Variants in SMARCC2 observed in about 807,000 individuals in gnomAD.
SMARCC2 encodes SWI/SNF related BAF chromatin remodeling complex subunit C2, also known as SWI/SNF complex subunit SMARCC2.
Under a neutral mutation model 151.3 loss-of-function variants are expected in SMARCC2, and 15 were observed. The ratio of observed to expected loss-of-function variants is 0.10; its 90% CI spans 0.07 to 0.15. The LOEUF is 0.15. Ranked by LOEUF, SMARCC2 falls within the 10% of genes least tolerant of loss-of-function variation. SMARCC2 has a pLI of 1.00. For synonymous variants in SMARCC2, 590 were observed against 609.5 expected (o/e 0.97, Z 0.47); for missense variants, 1,031 against 1,599.7 (o/e 0.64, Z 6.06).
Position 56,171,241 on chromosome 12 carries a change from C to A in SMARCC2, c.2347+30G>T. On this transcript the variant is annotated intron_variant, in intron 22 of 28. Coordinates refer to ENST00000550164, the MANE Select transcript of SMARCC2 (RefSeq NM_001330288.2). The surrounding 1 kb of genome is among the most constrained non-coding windows in gnomAD (Gnocchi z 4.2). ...AGGTAGCTCTGGATCTTGTGAAAGG[C>A]AAGAAATCTGGGAACCTGCCTGGCC... The A allele has an allele frequency of 6.2e-7, 1 of 1,610,906 alleles. No homozygotes were observed. The highest frequency in any genetic ancestry group is 8.5e-7 in the Non-Finnish European group (1 of 1,177,430).
At chr12:56,187,052 A>G in intron 2 of SMARCC2, 135 bp downstream of exon 2, 1 of 788,690 alleles carries the variant, frequency 1.3e-6, no homozygotes, top group East Asian at 2.8e-5. Flanking sequence ...TGCCCTGATC[A>G]GGGATAGGGA....
At chr12:56,177,637 C>T (rs1875288792) in intron 15 of SMARCC2, among the ~76,000 whole-genome samples, 2 of 151,584 alleles carry the variant, frequency 1.3e-5, no homozygotes, top group Admixed American at 1.3e-4. Flanking sequence ...TCTATTAAAA[C>T]CTACTCTCAG....
In SMARCC2 at chr12:56,181,026, G is replaced by C. The variant is rs371558830; in HGVS notation, c.1032C>G (p.Asp344Glu). Residue 344 changes from aspartate (D) to glutamate (E), a missense_variant, in exon 11 of 29, where the codon GAC (aspartate) becomes GAG (glutamate). Asp to Glu is a conservative substitution (Grantham distance 45). Transcript: ENST00000550164. ...CTACATTGGGGACTGGTGAGGGCTC[G>C]TCCATGTCCTTTGTCAGGTCTTCTT... ...EEQEDLTKDMDEPSPVPNVEE... is the reference protein window; with the variant it reads ...EEQEDLTKDMEEPSPVPNVEE... 2.5e-6 allele frequency: 4 copies of C among 1,613,860 alleles called. No homozygotes were observed. Among genetic ancestry groups the C allele is most frequent in the Non-Finnish European group, 3.4e-6 (4 of 1,179,944 alleles).
rs1873856209 is a variant in SMARCC2, at chr12:56,171,058, CT to C, written c.2347+212del. ...CACAAGACTTTTCTAACAGCCCCTT[CT>C]ACAAGCAAAGATTTTTCTACCCAAA... On this transcript the variant is annotated intron_variant, in intron 22 of 28. Coordinates refer to ENST00000550164, the MANE Select transcript of SMARCC2 (RefSeq NM_001330288.2). The surrounding 1 kb of genome is among the most constrained non-coding windows in gnomAD (Gnocchi z 4.2). Among the ~76,000 whole-genome samples the C allele has an allele frequency of 1.3e-5, 2 of 152,178 alleles. No homozygotes were observed. Among genetic ancestry groups the C allele is most frequent in the African/African-American group, 4.8e-5 (2 of 41,456 alleles).
chr12:56,184,805 C>A, intron 5 of SMARCC2, 39 bp downstream of exon 5: 2 of 1,207,662 alleles, frequency 1.7e-6, no homozygotes, highest in South Asian at 2.4e-5. Context: ...GGAAAACAGT[C>A]ATGGAGTTTC....
intron 7 of SMARCC2, chr12:56,183,471 A>G (rs1023259207): frequency 2.5e-5 from 4 of 162,382 alleles, no homozygotes; most frequent in Non-Finnish European, 5.4e-5. Flanking sequence ...CCAGGCCTAC[A>G]TGCTACTTTT....
Position 56,163,750 on chromosome 12 carries a change from AG to A in SMARCC2, c.3676del (p.Leu1226CysfsTer88), listed in dbSNP as rs1224281535. 19 of 1,512,550 alleles carry A rather than the reference AG, an allele frequency of 1.3e-5. No individual in the cohort carries two copies. The highest frequency in any genetic ancestry group is 7.9e-5 in the South Asian group (6 of 75,648). 93.7% of individuals were successfully genotyped at this position (1,512,550 alleles called of 1,614,324 possible). On this transcript the variant is annotated frameshift_variant, in exon 29 of 29. Coordinates refer to ENST00000550164, the MANE Select transcript of SMARCC2 (RefSeq NM_001330288.2). LOFTEE classifies it high-confidence loss of function. The part of the protein sequence containing the change: ...ASPLPDPGTP[L>X]PPDPTAPSPG... Reference sequence around the variant, plus strand: ...GCTCGGGGCTGTGGGGTCTGGAGGCAGGGGGGTGCCTGGGTCTGTGGAGAAA... The same window carrying A: ...GCTCGGGGCTGTGGGGTCTGGAGGCAGGGGGTGCCTGGGTCTGTGGAGAAA...
intron 27 of SMARCC2, among the ~76,000 whole-genome samples, chr12:56,164,992 T>C (rs931593291): frequency 6.6e-6 from 1 of 152,178 alleles, no homozygotes; most frequent in East Asian, 1.9e-4. Flanking sequence ...TTCAACATGT[T>C]GGCCAGGATG....
At position 56,165,436 on chromosome 12, in the gene SMARCC2, C is replaced by A; in HGVS notation, c.3114G>T (p.Leu1038Phe). ...CCTGCCCAATCTGTTCAGAAGGGCC[C>A]AAACTTCCTGGAGGGGCCCCACTGC... ...PAGSGAPPGS[L>F]GPSEQIGQAG... Residue 1038 changes from leucine to phenylalanine, a missense_variant, in exon 27 of 29, where the codon TTG (leucine) becomes TTT (phenylalanine). By Grantham distance (22) the Leu-to-Phe change is conservative. Around this residue, in one of 12 missense-constraint regions of SMARCC2, gnomAD observed 310 missense variants for 350.0 expected, o/e 0.89. Coordinates refer to ENST00000550164, the MANE Select transcript of SMARCC2 (RefSeq NM_001330288.2). 6.5e-7 allele frequency: 1 copy of A among 1,532,326 alleles called. No individual in the cohort carries two copies. The highest frequency in any genetic ancestry group is 2.3e-5 in the East Asian group (1 of 44,012). The allele number at this position is 1,532,326 out of a possible 1,614,324, so 94.9% of individuals were successfully genotyped here. A position where few individuals can be genotyped will look rare whatever the true frequency, so the allele number is the denominator to read the frequency against.
chr12:56,167,889 A>AACACACACACACACACACACACACAC (rs57344405), intron 26 of SMARCC2, among the ~76,000 whole-genome samples, 171 bp downstream of exon 26: 2 of 132,630 alleles, frequency 1.5e-5, no homozygotes, highest in African/African-American at 5.8e-5. Context: ...CTTTCACTGA[A>AACACACACACACACACACACACACAC]ACACACACAC....
At chr12:56,169,034 C>T (rs765090205) in intron 25 of SMARCC2, among the ~76,000 whole-genome samples, 4 of 152,040 alleles carry the variant, frequency 2.6e-5, no homozygotes, top group Non-Finnish European at 4.4e-5. Context: ...TGGCTCACGC[C>T]TGTAATTCCA....
chr12:56,189,267 G>T, intron 1 of SMARCC2, 84 bp downstream of exon 1: 2 of 771,148 alleles, frequency 2.6e-6, no homozygotes, highest in Non-Finnish European at 3.8e-6. Context: ...GGCGCCTGGA[G>T]GGTAGGCAGG....
chr12:56,166,523 GTA>G (rs1246721385), intron 26 of SMARCC2, among the ~76,000 whole-genome samples: 1 of 151,220 alleles, frequency 6.6e-6, no homozygotes, highest in Non-Finnish European at 1.5e-5. Context: ...TCTCCATATT[GTA>G]TATTCATTTG....
In SMARCC2 at chr12:56,183,850, C is replaced by G; in HGVS notation, c.632+11G>C. ...CTTATACTTAAACCTGCCCCAGGAACCCATCCTCACCTGTCAGGATAGTAG... is the reference window on the plus strand; with the variant it reads ...CTTATACTTAAACCTGCCCCAGGAAGCCATCCTCACCTGTCAGGATAGTAG... On this transcript the variant is annotated intron_variant, in intron 7 of 28. Transcript: ENST00000550164. 6.2e-7 allele frequency: 1 copy of G among 1,608,112 alleles called. No homozygotes were observed. The highest frequency in any genetic ancestry group is 8.5e-7 in the Non-Finnish European group (1 of 1,175,134).
chr12:56,170,101 G>T, intron 23 of SMARCC2, 43 bp downstream of exon 23: 1 of 1,550,346 alleles, frequency 6.5e-7, no homozygotes, highest in Non-Finnish European at 8.9e-7. Flanking sequence ...CATCACCACA[G>T]TGCTGCACGC....
Position 56,178,100 on chromosome 12 carries a change from G to A in SMARCC2, c.1311-7C>T. On this transcript the variant is annotated splice_region_variant and splice_polypyrimidine_tract_variant and intron_variant, in intron 14 of 28. Coordinates refer to ENST00000550164, the MANE Select transcript of SMARCC2 (RefSeq NM_001330288.2). ...CCGCTCAATGGCATGAACACTGCAAGAAAAGCCAGAATGGTTTCAGAAGAA... is the reference window on the plus strand; with the variant it reads ...CCGCTCAATGGCATGAACACTGCAAAAAAAGCCAGAATGGTTTCAGAAGAA... 6.2e-7 allele frequency: 1 copy of A among 1,610,206 alleles called. No individual in the cohort carries two copies. Among genetic ancestry groups the A allele is most frequent in the South Asian group, 1.1e-5 (1 of 90,634 alleles).
chr12:56,167,932 C>T, intron 26 of SMARCC2, 128 bp downstream of exon 26: 1 of 1,068,674 alleles, frequency 9.4e-7, no homozygotes, highest in Non-Finnish European at 1.3e-6. Flanking sequence ...CCCACTGTTG[C>T]TTATCTCTCT....
At chr12:56,186,800 T>A (rs145180794) in intron 2 of SMARCC2, 1 of 182,688 alleles carries the variant, frequency 5.5e-6, no homozygotes, top group Non-Finnish European at 1.2e-5. Context: ...CAAGGTAGGT[T>A]TACTAATCCC....
intron 11 of SMARCC2, among the ~76,000 whole-genome samples, chr12:56,179,906 T>C (rs812271): frequency 6.6e-6 from 1 of 151,744 alleles, no homozygotes; most frequent in East Asian, 2.0e-4. Context: ...AGGATGGTCT[T>C]GATCTCTTGA....
Sources: allele counts gnomAD v4.1 joint callset (sites outside exome capture counted in the v4.1 genomes callset), GRCh38; gene constraint gnomAD v4.1.1; regional missense constraint gnomAD v4.1.1; non-coding constraint Gnocchi (gnomAD v3.1); transcripts MANE v1.5; gene names NCBI Gene and HGNC (gene_info 2026-07-23, HGNC 2026-07-21).